Variants in KLF5 observed in about 807,000 individuals in gnomAD.
KLF5 encodes KLF transcription factor 5.
KLF5 carries 9 observed loss-of-function variants against 36.9 expected under a neutral mutation model. The observed-to-expected ratio is 0.24, with a 90% CI of 0.15 to 0.43. The LOEUF (loss-of-function observed/expected upper bound fraction) is 0.43, where lower values mean the gene tolerates loss of function less well. KLF5 is among the 20% of genes least tolerant of loss of function. KLF5 has a pLI of 1.00. For synonymous variants in KLF5, 246 were observed against 241.7 expected, an observed-to-expected ratio of 1.02 and a Z score of -0.17; for missense variants, 524 against 599.5, an observed-to-expected ratio of 0.87 and a Z score of 1.31.
intron 3 of KLF5, among the ~76,000 whole-genome samples, chr13:73,065,919 CTT>C (rs1162262375): frequency 9.2e-5 from 14 of 152,188 alleles, no homozygotes; most frequent in African/African-American, 2.9e-4. Flanking sequence ...GATTCAGGAA[CTT>C]GACCTGCCGG....
chr13:73,077,205 TATA>T lies in KLF5; in HGVS notation c.*1320_*1322del, dbSNP rs1220349611. The stretch of plus-strand genomic sequence containing the variant: ...TTTATCTTTATTTATTTTGTGGTAA[TATA>T]GTAAGTTTTTTTAGAAGACAATTTT... On this transcript the variant is annotated 3_prime_UTR_variant, in exon 4 of 4. Transcript: ENST00000377687. The T allele has an allele frequency of 5.9e-5, 9 of 152,648 alleles. No homozygotes were observed. In the East Asian group the frequency reaches 1.2e-3, roughly 20 times the overall value. The allele number at this position is 152,648 out of a possible 1,614,324, so 9.5% of individuals were successfully genotyped here. A position where few individuals can be genotyped will look rare whatever the true frequency, so the allele number is the denominator to read the frequency against.
In KLF5 at chr13:73,075,922, C is replaced by T; in HGVS notation, c.*36C>T. 1 of 1,477,644 alleles carries T rather than the reference C, an allele frequency of 6.8e-7. No homozygotes were observed. The highest frequency in any genetic ancestry group is 9.1e-7 in the Non-Finnish European group (1 of 1,093,162). 91.5% of individuals were successfully genotyped at this position (1,477,644 alleles called of 1,614,324 possible). A position where few individuals can be genotyped will look rare whatever the true frequency, so the allele number is the denominator to read the frequency against. ...TGTGACCCGTTCCAGGTCCCCTGGGCTCCCTCAAATGACAGACCTAACTAT... is the reference window on the plus strand; with the variant it reads ...TGTGACCCGTTCCAGGTCCCCTGGGTTCCCTCAAATGACAGACCTAACTAT... On this transcript the variant is annotated 3_prime_UTR_variant, in exon 4 of 4. Transcript: ENST00000377687.
chr13:73,068,915 G>A (rs1397413232), intron 3 of KLF5, among the ~76,000 whole-genome samples: 2 of 151,978 alleles, frequency 1.3e-5, no homozygotes, highest in African/African-American at 2.4e-5. Context: ...GGCCAACATA[G>A]TGAAACCCTG....
chr13:73,062,623 A>C lies in KLF5; in HGVS notation c.1024A>C (p.Asn342His), dbSNP rs369230623. Residue 342 changes from asparagine to histidine, a missense_variant, in exon 2 of 4, where the codon AAT becomes CAT. Asn to His is a moderately conservative substitution (Grantham distance 68). Around this residue, in one of 4 missense-constraint regions of KLF5, gnomAD observed 454 missense variants for 458.1 expected, o/e 0.99. Transcript: ENST00000377687. ...TTCTAAACTGGCAATTCACAATCCAAATTTACCCACCACCCTGCCAGTTAA... is the reference window on the plus strand; with the variant it reads ...TTCTAAACTGGCAATTCACAATCCACATTTACCCACCACCCTGCCAGTTAA... ...IASKLAIHNP[N>H]LPTTLPVNSQ... is the part of the protein sequence containing the mutation. 3.1e-6 allele frequency: 5 copies of C among 1,614,144 alleles called. No individual in the cohort carries two copies. The highest frequency in any genetic ancestry group is 2.7e-5 in the African/African-American group (2 of 75,042).
upstream of KLF5, chr13:73,058,967 G>T (rs969068614): frequency 5.8e-6 from 1 of 173,178 alleles, no homozygotes; most frequent in Admixed American, 6.3e-5. Context: ...CCGCCCCCCC[G>T]GAGTTGGGTG....
At chr13:73,071,244 G>C (rs2044720055) in intron 3 of KLF5, among the ~76,000 whole-genome samples, 1 of 152,122 alleles carries the variant, frequency 6.6e-6, no homozygotes, top group Non-Finnish European at 1.5e-5. Flanking sequence ...AAGGAGTGAG[G>C]TATCGGATTT....
chr13:73,065,838 A>G lies in KLF5; in HGVS notation c.1195+1955A>G, dbSNP rs1438162111. The stretch of plus-strand genomic sequence containing the variant: ...ATGTAATCAACTACTTATTGCAGGG[A>G]TGTAGTCAAACCCATATCTGAATAG... On this transcript the variant is annotated intron_variant, in intron 3 of 3. Transcript: ENST00000377687. Among the ~76,000 whole-genome samples, 11 of 152,334 alleles carry G rather than the reference A, an allele frequency of 7.2e-5. No homozygotes were observed. In the East Asian group the frequency reaches 2.1e-3, roughly 29 times the overall value.
Position 73,076,724 on chromosome 13 carries a change from A to G in KLF5, c.*838A>G, listed in dbSNP as rs2044764110. The G allele has an allele frequency of 6.6e-6, 1 of 152,242 alleles. No homozygotes were observed. The highest frequency in any genetic ancestry group is 1.5e-5 in the Non-Finnish European group (1 of 68,036). The allele number at this position is 152,242 out of a possible 1,614,324, so 9.4% of individuals were successfully genotyped here. On this transcript the variant is annotated 3_prime_UTR_variant, in exon 4 of 4. Transcript: ENST00000377687. ...GAGCTTAAAGATAGTTACAAAATACAAAAGTTCAACCTCTTACAATAAGCT... is the reference window on the plus strand; with the variant it reads ...GAGCTTAAAGATAGTTACAAAATACGAAAGTTCAACCTCTTACAATAAGCT...
At chr13:73,059,739 G>C (rs1305405545) in intron 1 of KLF5, 151 bp downstream of exon 1, 20 of 773,756 alleles carry the variant, frequency 2.6e-5, no homozygotes, top group Non-Finnish European at 2.8e-5. Flanking sequence ...CGCCCTGCAC[G>C]CCTGGCCGGG....
rs143246429 is a variant in KLF5 at position 73,072,701 on chromosome 13, C to T, written c.1196-3007C>T. Among the ~76,000 whole-genome samples, 26 of 152,302 alleles carry T rather than the reference C, an allele frequency of 1.7e-4. No homozygotes were observed. The East Asian group carries it at 3.7e-3, about 21-fold the overall frequency. ...GGAAGCGAGATAATGAGAAGTACCT[C>T]GCTCTGGAGTATGTGCTCCATGGCT... On this transcript the variant is annotated intron_variant, in intron 3 of 3. Coordinates refer to ENST00000377687, the MANE Select transcript of KLF5 (RefSeq NM_001730.5).
At position 73,068,303 on chromosome 13, in the gene KLF5, CAT is replaced by C. The variant is rs548077497; in HGVS notation, c.1195+4421_1195+4422del. Among the ~76,000 whole-genome samples, 17 of 152,288 alleles carry C rather than the reference CAT, an allele frequency of 1.1e-4. No homozygotes were observed. In the South Asian group the frequency reaches 2.1e-3, roughly 19 times the overall value. ...TGCAGAAGACTTTATTGCCTACTGACATGTGTAGTAAGATGTTATTAGTTATA... is the reference window on the plus strand; with the variant it reads ...TGCAGAAGACTTTATTGCCTACTGACGTGTAGTAAGATGTTATTAGTTATA... On this transcript the variant is annotated intron_variant, in intron 3 of 3. Transcript: ENST00000377687.
At chr13:73,073,402 AAAACCCC>A (rs1360715133) in intron 3 of KLF5, among the ~76,000 whole-genome samples, 2 of 152,238 alleles carry the variant, frequency 1.3e-5, no homozygotes, top group African/African-American at 4.8e-5. Flanking sequence ...AATTGAGAGC[AAAACCCC>A]AAATGTTTTA....
chr13:73,062,197 G>C lies in KLF5; in HGVS notation c.598G>C (p.Ala200Pro). ...TSIFSSHQTA[A>P]PEVNNIFIKQ... ...TATATTCAGCTCACACCAGACCGCA[G>C]CTCCAGAGGTGAACAATATTTTCAT... The change falls in exon 2 of 4, where the codon GCT becomes CCT. Residue 200 changes from alanine (A) to proline (P), a missense_variant. Around this residue, in one of 4 missense-constraint regions of KLF5, gnomAD observed 454 missense variants for 458.1 expected, o/e 0.99. Coordinates refer to ENST00000377687, the MANE Select transcript of KLF5 (RefSeq NM_001730.5). 1.2e-6 allele frequency: 2 copies of C among 1,614,094 alleles called. No individual in the cohort carries two copies. The highest frequency in any genetic ancestry group is 1.7e-6 in the Non-Finnish European group (2 of 1,180,022).
intron 2 of KLF5, among the ~76,000 whole-genome samples, chr13:73,063,522 A>G (rs1437278579): frequency 1.3e-5 from 2 of 152,192 alleles, no homozygotes; most frequent in African/African-American, 2.4e-5. Flanking sequence ...TTAAAAAAAC[A>G]TATAGCAGCT....
At position 73,062,463 on chromosome 13, in the gene KLF5, G is replaced by T; in HGVS notation, c.864G>T (p.Met288Ile). The T allele has an allele frequency of 1.2e-6, 2 of 1,614,142 alleles. No homozygotes were observed. Among genetic ancestry groups the T allele is most frequent in the Non-Finnish European group, 1.7e-6 (2 of 1,180,042 alleles). ...GCATGCCCCCTTGCACATACACAAT[G>T]CCAAGTCAGTTTCTTCCACAACAGG... is the stretch of plus-strand genomic sequence containing the variant. ...FQGMPPCTYT[M>I]PSQFLPQQAT... The change falls in exon 2 of 4, where the codon ATG becomes ATT. Residue 288 changes from methionine (M) to isoleucine (I), a missense_variant. This residue lies in a region of KLF5 where 454 missense variants were observed against 458.1 expected (regional missense o/e 0.99). Transcript: ENST00000377687.
At chr13:73,069,247 A>G (rs2044705261) in intron 3 of KLF5, among the ~76,000 whole-genome samples, 2 of 152,234 alleles carry the variant, frequency 1.3e-5, no homozygotes, top group Admixed American at 1.3e-4. Flanking sequence ...AAGGCTTTTT[A>G]GGAAAACTGT....
intron 3 of KLF5, among the ~76,000 whole-genome samples, chr13:73,067,771 A>G (rs1179319921): frequency 6.6e-6 from 1 of 152,136 alleles, no homozygotes; most frequent in East Asian, 1.9e-4. Context: ...GGAAAAGGAC[A>G]ATTTGAAACA....
chr13:73,056,934 GTT>G (rs36117211), upstream of KLF5, among the ~76,000 whole-genome samples: 1 of 149,292 alleles, frequency 6.7e-6, no homozygotes. Context: ...TAGTTGTATG[GTT>G]TTTTTTTTGC....
At chr13:73,074,598 G>A (rs1307716679) in intron 3 of KLF5, among the ~76,000 whole-genome samples, 1 of 152,186 alleles carries the variant, frequency 6.6e-6, no homozygotes, top group Admixed American at 6.5e-5. Context: ...ATGATCTCCA[G>A]TAGGATTCTT....
Sources: allele counts gnomAD v4.1 joint callset (sites outside exome capture counted in the v4.1 genomes callset), GRCh38; gene constraint gnomAD v4.1.1; regional missense constraint gnomAD v4.1.1; transcripts MANE v1.5; gene names NCBI Gene and HGNC (gene_info 2026-07-23, HGNC 2026-07-21).